Variants in EMCN observed in about 807,000 individuals in gnomAD.
The protein encoded by EMCN is MUC-14.
EMCN carries 37 observed loss-of-function variants against 38.4 expected under a neutral mutation model. The observed-to-expected ratio is 0.96, with a 90% CI of 0.74 to 1.27. The LOEUF (loss-of-function observed/expected upper bound fraction) is 1.27. EMCN is among the 50% of genes most tolerant of loss of function. The pLI, the probability that EMCN is intolerant of heterozygous loss-of-function variation, is 0.00. For synonymous variants in EMCN, 95 were observed against 100.8 expected, an observed-to-expected ratio of 0.94 and a Z score of 0.35; for missense variants, 318 against 302.8, an observed-to-expected ratio of 1.05 and a Z score of -0.37.
chr4:100,399,164 G>T (rs1449361064), intron 11 of EMCN, among the ~76,000 whole-genome samples: 1 of 152,150 alleles, frequency 6.6e-6, no homozygotes, highest in African/African-American at 2.4e-5. Flanking sequence ...TTAGTATTTT[G>T]CATTTTTCTC....
chr4:100,514,639 C>T (rs1425283787), intron 1 of EMCN, among the ~76,000 whole-genome samples: 2 of 152,038 alleles, frequency 1.3e-5, no homozygotes, highest in Non-Finnish European at 2.9e-5. Context: ...AGGCTATATT[C>T]CAATCTTATT....
chr4:100,483,072 A>G (rs956415268), intron 1 of EMCN, among the ~76,000 whole-genome samples: 1 of 152,110 alleles, frequency 6.6e-6, no homozygotes, highest in Non-Finnish European at 1.5e-5. Context: ...TGGGTTGTTT[A>G]ACAAACAGCA....
At chr4:100,476,354 C>A (rs535598067) in intron 2 of EMCN, among the ~76,000 whole-genome samples, 2 of 151,892 alleles carry the variant, frequency 1.3e-5, no homozygotes, top group Admixed American at 6.6e-5. Context: ...TATGAGCATA[C>A]CTCACTGCAG....
intron 10 of EMCN, among the ~76,000 whole-genome samples, chr4:100,413,180 T>C (rs1441177037): frequency 1.3e-5 from 2 of 152,180 alleles, no homozygotes; most frequent in African/African-American, 2.4e-5. Flanking sequence ...TTAATTAACA[T>C]TGTATTTCTT....
chr4:100,410,966 A>G, intron 10 of EMCN, among the ~76,000 whole-genome samples: 1 of 152,188 alleles, frequency 6.6e-6, no homozygotes, highest in East Asian at 1.9e-4. Flanking sequence ...TTCATGACCA[A>G]TATATTTCGC....
intron 9 of EMCN, among the ~76,000 whole-genome samples, chr4:100,416,617 A>C (rs1002102136): frequency 6.6e-6 from 1 of 152,212 alleles, no homozygotes; most frequent in Non-Finnish European, 1.5e-5. Context: ...CCTGTCAACA[A>C]GGAAAACAGG....
chr4:100,478,298 T>C (rs751872470), intron 2 of EMCN, among the ~76,000 whole-genome samples: 4 of 152,194 alleles, frequency 2.6e-5, no homozygotes, highest in African/African-American at 7.2e-5. Context: ...GACCCTAGAA[T>C]AGACTAACCT....
chr4:100,486,904 C>T (rs1187733867), intron 1 of EMCN: 1 of 985,384 alleles, frequency 1.0e-6, no homozygotes, highest in African/African-American at 1.7e-5. Flanking sequence ...AGTTATTTTT[C>T]CTTCACAAAT....
chr4:100,503,914 C>T (rs769682054), intron 1 of EMCN, among the ~76,000 whole-genome samples: 1 of 152,078 alleles, frequency 6.6e-6, no homozygotes, highest in Non-Finnish European at 1.5e-5. Context: ...ATATCAAGCA[C>T]AATATGTGAA....
chr4:100,496,425 G>A (rs1443658589), intron 1 of EMCN, among the ~76,000 whole-genome samples: 3 of 152,132 alleles, frequency 2.0e-5, no homozygotes, highest in Non-Finnish European at 4.4e-5. Flanking sequence ...CTCCAGAAAT[G>A]TATGTCCAAA....
chr4:100,402,603 T>A (rs1449405293), intron 11 of EMCN, among the ~76,000 whole-genome samples: 1 of 152,170 alleles, frequency 6.6e-6, no homozygotes, highest in Non-Finnish European at 1.5e-5. Flanking sequence ...TTCTGATCTT[T>A]ACTCTTCAGA....
intron 1 of EMCN, among the ~76,000 whole-genome samples, chr4:100,514,235 T>C (rs1729698554): frequency 6.6e-6 from 1 of 152,064 alleles, no homozygotes; most frequent in South Asian, 2.1e-4. Context: ...TTTTTCTCAC[T>C]AAACCGTCTC....
chr4:100,429,844 A>T (rs1271657237), intron 5 of EMCN, among the ~76,000 whole-genome samples: 3 of 152,146 alleles, frequency 2.0e-5, no homozygotes, highest in Non-Finnish European at 4.4e-5. Flanking sequence ...AAGATGAGAG[A>T]TACTGTGGCT....
intron 4 of EMCN, among the ~76,000 whole-genome samples, chr4:100,456,013 T>G (rs1201790763): frequency 6.6e-6 from 1 of 152,178 alleles, no homozygotes; most frequent in Non-Finnish European, 1.5e-5. Context: ...CAGGCTGGTC[T>G]CAAACTCCTG....
intron 5 of EMCN, among the ~76,000 whole-genome samples, chr4:100,430,154 T>A (rs1727156661): frequency 6.6e-6 from 1 of 152,172 alleles, no homozygotes; most frequent in Non-Finnish European, 1.5e-5. Context: ...GTTCTAAGTG[T>A]CTTACAACTA....
chr4:100,417,636 T>G (rs767702253), intron 8 of EMCN, among the ~76,000 whole-genome samples: 2 of 152,214 alleles, frequency 1.3e-5, no homozygotes, highest in African/African-American at 2.4e-5. Flanking sequence ...ACCCACTGAT[T>G]CAGCCTCTCA....
intron 5 of EMCN, among the ~76,000 whole-genome samples, chr4:100,428,810 T>C (rs1727122442): frequency 6.6e-6 from 1 of 152,126 alleles, no homozygotes; most frequent in African/African-American, 2.4e-5. Context: ...CACTAAATGT[T>C]GAAGAAAATA....
In EMCN at chr4:100,475,100, G is replaced by T; in HGVS notation, c.197C>A (p.Thr66Asn). The T allele has an allele frequency of 6.7e-7, 1 of 1,503,530 alleles. No individual in the cohort carries two copies. Among genetic ancestry groups the T allele is most frequent in the Non-Finnish European group, 9.1e-7 (1 of 1,103,542 alleles). The allele number at this position is 1,503,530 out of a possible 1,614,324, so 93.1% of individuals were successfully genotyped here. A position where few individuals can be genotyped will look rare whatever the true frequency, so the allele number is the denominator to read the frequency against. The change falls in exon 3 of 12, where the codon ACC (threonine) becomes AAC (asparagine). Residue 66 changes from threonine (T) to asparagine (N), a missense_variant. Transcript: ENST00000296420. ...TTGTTPKGTI[T>N]NELLKMSLMS... The stretch of plus-strand genomic sequence containing the variant: ...CAGAGACATTTTAAGTAATTCATTG[G>T]TGATTGTTCCTAGTTTGATAAAATA...
At chr4:100,467,507 T>A (rs2110265755) in intron 3 of EMCN, among the ~76,000 whole-genome samples, 1 of 151,092 alleles carries the variant, frequency 6.6e-6, no homozygotes, top group Middle Eastern at 3.4e-3. Context: ...TGAAACCCCG[T>A]CTCTACTAAA....
Sources: allele counts gnomAD v4.1 joint callset (sites outside exome capture counted in the v4.1 genomes callset), GRCh38; gene constraint gnomAD v4.1.1; transcripts MANE v1.5; gene names NCBI Gene and HGNC (gene_info 2026-07-23, HGNC 2026-07-21).